Variants in LIN28B observed in about 807,000 individuals in gnomAD.
LIN28B encodes the protein protein lin-28 homolog B.
Under a neutral mutation model 21.9 loss-of-function variants are expected in LIN28B, and 5 were observed. That is an observed-to-expected ratio of 0.23 (90% CI 0.12 to 0.48). The LOEUF (loss-of-function observed/expected upper bound fraction) is 0.48, where lower values mean the gene tolerates loss of function less well. LIN28B is among the 20% of genes least tolerant of loss of function. The pLI, the probability that LIN28B is intolerant of heterozygous loss-of-function variation, is 0.98. For missense variants in LIN28B, 245 were observed against 310.5 expected (o/e 0.79, Z 1.58); for synonymous variants, 109 against 111.3 (o/e 0.98, Z 0.13).
At chr6:104,990,761 ACT>A (rs1562083925) in intron 2 of LIN28B, among the ~76,000 whole-genome samples, 1 of 151,442 alleles carries the variant, frequency 6.6e-6, no homozygotes, top group Admixed American at 6.6e-5. Context: ...AGTGGTGATG[ACT>A]CTTAACGAGC....
intron 2 of LIN28B, among the ~76,000 whole-genome samples, chr6:105,025,751 TAAAC>T (rs1771274638): frequency 2.0e-5 from 3 of 151,656 alleles, no homozygotes; most frequent in Non-Finnish European, 4.4e-5. Flanking sequence ...CAAAAATAAA[TAAAC>T]AAAATTAAAA....
intron 3 of LIN28B, among the ~76,000 whole-genome samples, chr6:105,044,626 C>A (rs919359861): frequency 6.6e-6 from 1 of 152,162 alleles, no homozygotes; most frequent in African/African-American, 2.4e-5. Context: ...TAAACTACTT[C>A]ATATGGCTTG....
chr6:104,983,000 G>C (rs887195667), intron 2 of LIN28B, among the ~76,000 whole-genome samples: 1 of 152,142 alleles, frequency 6.6e-6, no homozygotes, highest in Non-Finnish European at 1.5e-5. Flanking sequence ...TAGAGACAGG[G>C]TCTTATTCTG....
intron 2 of LIN28B, among the ~76,000 whole-genome samples, chr6:104,970,951 T>C (rs888395772): frequency 6.6e-6 from 1 of 152,174 alleles, no homozygotes; most frequent in African/African-American, 2.4e-5. Flanking sequence ...TGTTTGATGC[T>C]TATTCCTAAT....
At chr6:105,048,420 C>G (rs1168781923) in intron 3 of LIN28B, among the ~76,000 whole-genome samples, 1 of 152,132 alleles carries the variant, frequency 6.6e-6, no homozygotes, top group Admixed American at 6.5e-5. Context: ...ATTCGGTTTG[C>G]CAGTATTTTA....
intron 2 of LIN28B, among the ~76,000 whole-genome samples, chr6:105,019,750 A>T (rs1771097532): frequency 1.3e-5 from 2 of 152,178 alleles, no homozygotes; most frequent in South Asian, 2.1e-4. Flanking sequence ...CTAGAAATTT[A>T]TTGAATTTGG....
intron 3 of LIN28B, among the ~76,000 whole-genome samples, chr6:105,057,839 A>C (rs964932383): frequency 6.6e-6 from 1 of 152,166 alleles, no homozygotes; most frequent in African/African-American, 2.4e-5. Context: ...GGGCATTACA[A>C]AAATACTTAG....
intron 3 of LIN28B, among the ~76,000 whole-genome samples, chr6:105,073,501 T>C (rs550449978): frequency 2.7e-4 from 41 of 152,326 alleles, no homozygotes; most frequent in African/African-American, 9.4e-4. Context: ...CTCTTTTCTC[T>C]GTCCCTGATA....
chr6:105,040,282 A>C (rs1335457134), intron 3 of LIN28B, among the ~76,000 whole-genome samples: 1 of 152,110 alleles, frequency 6.6e-6, no homozygotes, highest in Non-Finnish European at 1.5e-5. Flanking sequence ...AGTCATACAT[A>C]ACTAGGACTT....
chr6:104,938,316 T>C (rs1469823294), intron 2 of LIN28B, among the ~76,000 whole-genome samples: 1 of 151,916 alleles, frequency 6.6e-6, no homozygotes, highest in Non-Finnish European at 1.5e-5. Flanking sequence ...TTCACTTTTA[T>C]AAAGAAATTG....
intron 2 of LIN28B, among the ~76,000 whole-genome samples, chr6:105,013,990 G>C (rs1244718899): frequency 6.6e-6 from 1 of 152,014 alleles, no homozygotes; most frequent in African/African-American, 2.4e-5. Flanking sequence ...CAATTTTGTT[G>C]AAAGCACTGA....
chr6:105,060,558 C>T (rs891069917), intron 3 of LIN28B, among the ~76,000 whole-genome samples: 3 of 152,058 alleles, frequency 2.0e-5, no homozygotes, highest in Non-Finnish European at 2.9e-5. Flanking sequence ...TTACAGTGAC[C>T]GATCTGTGAC....
At chr6:105,014,669 G>A (rs576805516) in intron 2 of LIN28B, among the ~76,000 whole-genome samples, 127 of 152,160 alleles carry the variant, frequency 8.3e-4, no homozygotes, top group African/African-American at 2.9e-3. Context: ...TTCCCAGGGG[G>A]TCATGAACAC....
At chr6:104,983,068 A>G (rs1562080887) in intron 2 of LIN28B, among the ~76,000 whole-genome samples, 1 of 152,132 alleles carries the variant, frequency 6.6e-6, no homozygotes, top group Non-Finnish European at 1.5e-5. Context: ...TCGACCTTCC[A>G]AAGTGCTGGC....
intron 2 of LIN28B, among the ~76,000 whole-genome samples, chr6:104,938,226 AGAGT>A (rs1778035073): frequency 6.6e-6 from 1 of 152,154 alleles, no homozygotes; most frequent in African/African-American, 2.4e-5. Flanking sequence ...CCTTGGCAAC[AGAGT>A]GAGACCGAGT....
chr6:104,983,283 C>T (rs1343371281), intron 2 of LIN28B, among the ~76,000 whole-genome samples: 1 of 152,114 alleles, frequency 6.6e-6, no homozygotes, highest in African/African-American at 2.4e-5. Context: ...GTGAAGATAG[C>T]TCAAAATTGG....
At chr6:104,942,082 A>G (rs1039006212) in intron 2 of LIN28B, among the ~76,000 whole-genome samples, 5 of 152,180 alleles carry the variant, frequency 3.3e-5, no homozygotes, top group Admixed American at 1.3e-4. Flanking sequence ...AAGGTTGCCA[A>G]GTGTCACTGT....
chr6:105,070,389 A>G (rs1382097963), intron 3 of LIN28B, among the ~76,000 whole-genome samples: 1 of 152,162 alleles, frequency 6.6e-6, no homozygotes, highest in Non-Finnish European at 1.5e-5. Flanking sequence ...TTAATTACAC[A>G]AATAATATAT....
At chr6:105,028,709 T>G (rs1176820074) in intron 3 of LIN28B, among the ~76,000 whole-genome samples, 3 of 152,188 alleles carry the variant, frequency 2.0e-5, no homozygotes, top group Non-Finnish European at 4.4e-5. Flanking sequence ...AGATACATAA[T>G]GCACATCCAA....
Sources: allele counts gnomAD v4.1 joint callset (sites outside exome capture counted in the v4.1 genomes callset), GRCh38; gene constraint gnomAD v4.1.1; transcripts MANE v1.5; gene names NCBI Gene and HGNC (gene_info 2026-07-23, HGNC 2026-07-21).